CTNNA3: variants seen among roughly 807,000 people sequenced by gnomAD.
The protein encoded by CTNNA3 is catenin alpha 3, also known as catenin alpha-3.
A neutral mutation model predicts 95.7 loss-of-function variants in CTNNA3; 76 were observed. The ratio of observed to expected loss-of-function variants is 0.79; its 90% CI spans 0.66 to 0.96. The LOEUF is 0.96. Among genes scored for constraint, CTNNA3 ranks in the 40% least tolerant of loss-of-function variants. The pLI is 0.00. For missense variants in CTNNA3, 1,191 were observed against 1,089.8 expected (o/e 1.09, Z -1.31); for synonymous variants, 431 against 374.4 (o/e 1.15, Z -1.74).
chr10:66,623,814 A>C (rs1844836409), intron 9 of CTNNA3, among the ~76,000 whole-genome samples: 1 of 152,202 alleles, frequency 6.6e-6, no homozygotes, highest in South Asian at 2.1e-4. Flanking sequence ...GAAAAGTGTT[A>C]GAAATAAAAT....
chr10:66,284,782 G>A (rs556139763), intron 12 of CTNNA3, among the ~76,000 whole-genome samples: 1 of 151,820 alleles, frequency 6.6e-6, no homozygotes, highest in Admixed American at 6.6e-5. Flanking sequence ...AAAATTACTG[G>A]TGGTAAAGAA....
intron 4 of CTNNA3, among the ~76,000 whole-genome samples, chr10:67,526,030 G>A (rs774840010): frequency 4.6e-5 from 7 of 152,082 alleles, no homozygotes; most frequent in Non-Finnish European, 1.0e-4. Context: ...TTAAAACAAT[G>A]CTAAAAGTTT....
intron 5 of CTNNA3, among the ~76,000 whole-genome samples, chr10:67,221,150 A>T (rs1864632787): frequency 6.6e-6 from 1 of 152,228 alleles, no homozygotes; most frequent in African/African-American, 2.4e-5. Flanking sequence ...ACCATTATTA[A>T]TAGTTAATAG....
At chr10:66,893,598 G>A (rs1171836801) in intron 7 of CTNNA3, among the ~76,000 whole-genome samples, 2 of 151,088 alleles carry the variant, frequency 1.3e-5, no homozygotes, top group Non-Finnish European at 2.9e-5. Context: ...CTACTTATGA[G>A]TGTTGATGAC....
At chr10:66,242,064 G>A (rs2090135112) in intron 13 of CTNNA3, among the ~76,000 whole-genome samples, 1 of 152,022 alleles carries the variant, frequency 6.6e-6, no homozygotes, top group African/African-American at 2.4e-5. Context: ...AAGAGGTGGG[G>A]CCTTAAGATG....
chr10:66,364,518 G>A (rs1310936974), intron 12 of CTNNA3, among the ~76,000 whole-genome samples: 2 of 151,768 alleles, frequency 1.3e-5, no homozygotes, highest in African/African-American at 2.4e-5. Context: ...TTTTTTCTTT[G>A]GTTATTTTAT....
chr10:66,690,536 T>G (rs1269255063), intron 9 of CTNNA3, among the ~76,000 whole-genome samples: 2 of 150,894 alleles, frequency 1.3e-5, no homozygotes, highest in Non-Finnish European at 2.9e-5. Context: ...CCACGTGTTC[T>G]CATCGTTCAA....
intron 7 of CTNNA3, among the ~76,000 whole-genome samples, chr10:66,875,941 T>C (rs1041902591): frequency 6.6e-6 from 1 of 152,142 alleles, no homozygotes; most frequent in East Asian, 1.9e-4. Context: ...CCTACAGATT[T>C]GTGGTGTGTG....
At chr10:67,125,045 G>T (rs964793775) in intron 7 of CTNNA3, among the ~76,000 whole-genome samples, 1 of 152,170 alleles carries the variant, frequency 6.6e-6, no homozygotes, top group Non-Finnish European at 1.5e-5. Flanking sequence ...GCAGTGCCTC[G>T]AAGGAATCAA....
intron 11 of CTNNA3, among the ~76,000 whole-genome samples, chr10:66,510,880 A>G (rs7067740): frequency 0.18 from 28,009 of 151,546 alleles, 2,838 homozygotes; most frequent in African/African-American, 0.27. Flanking sequence ...GTCTGGTTTT[A>G]TTATCAGGGT....
At chr10:66,487,562 C>A (rs973631162) in intron 11 of CTNNA3, among the ~76,000 whole-genome samples, 2 of 151,990 alleles carry the variant, frequency 1.3e-5, no homozygotes, top group African/African-American at 2.4e-5. Flanking sequence ...CACTCCCCAG[C>A]CGCCTGGCCC....
chr10:67,747,124 T>C (rs1348358946), intron 1 of CTNNA3, among the ~76,000 whole-genome samples: 3 of 152,202 alleles, frequency 2.0e-5, no homozygotes, highest in African/African-American at 7.2e-5. Context: ...GACAGAACTG[T>C]GATCTCCCTG....
At chr10:66,949,033 A>G (rs1848408785) in intron 7 of CTNNA3, among the ~76,000 whole-genome samples, 1 of 152,212 alleles carries the variant, frequency 6.6e-6, no homozygotes, top group Non-Finnish European at 1.5e-5. Context: ...AAAAGCATGT[A>G]ATCTTGCAAA....
At chr10:67,674,908 G>C (rs866944333) in intron 1 of CTNNA3, among the ~76,000 whole-genome samples, 4 of 150,664 alleles carry the variant, frequency 2.7e-5, no homozygotes, top group Non-Finnish European at 5.9e-5. Context: ...CTTTGTCTAG[G>C]ATACCTTCCC....
intron 9 of CTNNA3, among the ~76,000 whole-genome samples, chr10:66,760,949 A>C (rs933962591): frequency 5.3e-5 from 8 of 152,162 alleles, no homozygotes; most frequent in African/African-American, 1.7e-4. Context: ...TTTGTGTACA[A>C]GTGTTAAGTA....
At chr10:67,063,934 C>A (rs868040681) in intron 7 of CTNNA3, among the ~76,000 whole-genome samples, 1 of 152,142 alleles carries the variant, frequency 6.6e-6, no homozygotes, top group Non-Finnish European at 1.5e-5. Context: ...CATTTACCTT[C>A]TGCACACACA....
chr10:66,030,284 C>G lies in CTNNA3; in HGVS notation c.2159+39024G>C, dbSNP rs571111483. ...CCAAAGCAATCCTAAGCAAAAAGAA[C>G]AAAGCAGAAAACATCACATTACTAA... On this transcript the variant is annotated intron_variant, in intron 15 of 17. Transcript: ENST00000433211. Among the ~76,000 whole-genome samples the G allele has an allele frequency of 1.3e-4, 20 of 152,206 alleles. No homozygotes were observed. The South Asian group carries it at 3.9e-3, about 30-fold the overall frequency.
At chr10:66,922,974 T>A (rs917127649) in intron 7 of CTNNA3, among the ~76,000 whole-genome samples, 5 of 152,162 alleles carry the variant, frequency 3.3e-5, no homozygotes, top group Non-Finnish European at 7.4e-5. Flanking sequence ...AATTATACTT[T>A]TAGTTATTTT....
At chr10:67,233,005 G>A (rs376881057) in intron 5 of CTNNA3, among the ~76,000 whole-genome samples, 12 of 152,064 alleles carry the variant, frequency 7.9e-5, no homozygotes, top group East Asian at 1.9e-4. Flanking sequence ...ACCCAGATTC[G>A]TAAAGCAAGT....
Sources: allele counts gnomAD v4.1 joint callset (sites outside exome capture counted in the v4.1 genomes callset), GRCh38; gene constraint gnomAD v4.1.1; transcripts MANE v1.5; gene names NCBI Gene and HGNC (gene_info 2026-07-23, HGNC 2026-07-21).